COL5A2: variants seen among roughly 807,000 people sequenced by gnomAD.
COL5A2 encodes collagen alpha-2(V) chain.
A neutral mutation model predicts 208.2 loss-of-function variants in COL5A2; 23 were observed. The observed-to-expected ratio is 0.11, with a 90% CI of 0.08 to 0.16. The LOEUF is 0.16. COL5A2 is among the 10% of genes least tolerant of loss of function. The pLI is 1.00. For missense variants in COL5A2, 1,590 were observed against 1,956.4 expected, an observed-to-expected ratio of 0.81 and a Z score of 3.53; for synonymous variants, 625 against 628.5, an observed-to-expected ratio of 0.99 and a Z score of 0.08.
At chr2:189,044,239 G>C (rs1334180583) in intron 47 of COL5A2, among the ~76,000 whole-genome samples, 1 of 151,972 alleles carries the variant, frequency 6.6e-6, no homozygotes, top group African/African-American at 2.4e-5. Context: ...TTTTGATTTT[G>C]AATTTATATT....
At chr2:189,123,378 T>G (rs1334796168) in intron 1 of COL5A2, among the ~76,000 whole-genome samples, 1 of 152,172 alleles carries the variant, frequency 6.6e-6, no homozygotes, top group African/African-American at 2.4e-5. Flanking sequence ...TTCCTAATCC[T>G]CTGTACTTCA....
chr2:189,217,609 C>T lies in COL5A2; in HGVS notation c.-42+7539G>A, dbSNP rs940698998. Among the ~76,000 whole-genome samples, 11 of 152,014 alleles carry T rather than the reference C, an allele frequency of 7.2e-5. No individual in the cohort carries two copies. The South Asian group carries it at 8.3e-4, about 11-fold the overall frequency. ...AAATGCTCCTACCCATTTTACTGAC[C>T]GAAGCAGCATTGCAACATAAAAACT... On this transcript the variant is annotated intron_variant, in intron 1 of 10. Transcript: ENST00000649966.
In COL5A2 at chr2:189,060,735, C is replaced by T; in HGVS notation, c.2080G>A (p.Asp694Asn). ...GPPGEGGKPG[D>N]QGVPGDPGAV... ...ATTATTATTTAAACACTTACTTGATCACCTGGTTTTCCACCTTCTCCAGGA... is the reference window on the plus strand; with the variant it reads ...ATTATTATTTAAACACTTACTTGATTACCTGGTTTTCCACCTTCTCCAGGA... Residue 694 changes from aspartate to asparagine, a missense_variant, in exon 31 of 54, where the codon GAT becomes AAT. Coordinates refer to ENST00000374866, the MANE Select transcript of COL5A2 (RefSeq NM_000393.5). 6.2e-7 allele frequency: 1 copy of T among 1,612,726 alleles called. No individual in the cohort carries two copies. Among genetic ancestry groups the T allele is most frequent in the Non-Finnish European group, 8.5e-7 (1 of 1,178,812 alleles).
chr2:189,121,736 C>CAAAA (rs3084490), intron 1 of COL5A2, among the ~76,000 whole-genome samples: 51,723 of 77,932 alleles, frequency 0.66, 20,046 homozygotes, highest in Non-Finnish European at 0.81. Flanking sequence ...GACTCCGTCT[C>CAAAA]AAAAAAAAAA....
At chr2:189,092,537 A>T (rs1686810887) in intron 6 of COL5A2, 117 bp from the exon 7 acceptor site, 1 of 728,344 alleles carries the variant, frequency 1.4e-6, no homozygotes, top group Non-Finnish European at 2.5e-6. Flanking sequence ...AATACATGGC[A>T]ATCTAGCCAC....
intron 1 of COL5A2, among the ~76,000 whole-genome samples, chr2:189,220,486 T>C (rs1176197458): frequency 1.3e-5 from 2 of 150,132 alleles, no homozygotes; most frequent in African/African-American, 4.9e-5. Context: ...AAAAAAAGGA[T>C]AAGTGCAAAT....
At chr2:189,101,469 T>C (rs1687044608) in intron 3 of COL5A2, among the ~76,000 whole-genome samples, 1 of 152,112 alleles carries the variant, frequency 6.6e-6, no homozygotes. Context: ...TTTGTTTTCA[T>C]TTTTAAGTTT....
At chr2:189,179,403 C>G in intron 1 of COL5A2, 105 bp downstream of exon 1, 1 of 1,355,526 alleles carries the variant, frequency 7.4e-7, no homozygotes, top group East Asian at 2.5e-5. Context: ...CCTTCTCAAA[C>G]TTCAAACCAG....
At position 189,034,945 on chromosome 2, in the gene COL5A2, G is replaced by A. The variant is rs146982082; in HGVS notation, c.4324C>T (p.Arg1442Trp). ...CAAGTGTCTTGAAGAACGATATACC[G>A]GAATCTAATATTTCCCTCTGCTTTG... ...DIKAEGNIRF[R>W]YIVLQDTCSK... The change falls in exon 53 of 54, where the codon CGG becomes TGG. Residue 1442 changes from arginine (R) to tryptophan (W), a missense_variant. Transcript: ENST00000374866. 3.7e-6 allele frequency: 6 copies of A among 1,613,774 alleles called. No homozygotes were observed. Among genetic ancestry groups the A allele is most frequent in the South Asian group, 1.1e-5 (1 of 91,076 alleles).
chr2:189,047,062 C>A (rs1408135658), intron 45 of COL5A2, among the ~76,000 whole-genome samples: 1 of 149,764 alleles, frequency 6.7e-6, no homozygotes, highest in African/African-American at 2.5e-5. Context: ...GTAGAGGTTG[C>A]AGCGAGACGA....
chr2:189,191,991 G>C (rs1008141461), intron 1 of COL5A2, among the ~76,000 whole-genome samples: 3 of 151,994 alleles, frequency 2.0e-5, no homozygotes. Context: ...AAGAAGAAAT[G>C]TGGATGAATC....
upstream of COL5A2, among the ~76,000 whole-genome samples, chr2:189,227,249 A>G (rs1689433652): frequency 6.6e-6 from 1 of 152,160 alleles, no homozygotes; most frequent in Non-Finnish European, 1.5e-5. Context: ...AATTGACCCT[A>G]AAGATACAGG....
chr2:189,247,083 TA>T, the COL5A2 span, among the ~76,000 whole-genome samples: 1 of 151,874 alleles, frequency 6.6e-6, no homozygotes, highest in African/African-American at 2.4e-5. Flanking sequence ...TTCTGTCAGA[TA>T]AAAGAGATTA....
At chr2:189,037,318 G>A (rs909766395) in intron 51 of COL5A2, among the ~76,000 whole-genome samples, 2 of 151,970 alleles carry the variant, frequency 1.3e-5, no homozygotes, top group Non-Finnish European at 2.9e-5. Context: ...CTTAAAATAG[G>A]AAATACCAAG....
chr2:189,402,182 G>A, the COL5A2 span, among the ~76,000 whole-genome samples: 5 of 151,930 alleles, frequency 3.3e-5, no homozygotes, highest in Non-Finnish European at 7.4e-5. Flanking sequence ...TTTCTTATAA[G>A]GTTTTTATAG....
At chr2:189,168,243 T>TG (rs1385996580) in intron 1 of COL5A2, among the ~76,000 whole-genome samples, 8 of 150,698 alleles carry the variant, frequency 5.3e-5, no homozygotes, top group Non-Finnish European at 8.9e-5. Context: ...CCGGGTTTTT[T>TG]TTTTTTTTTT....
At chr2:189,291,803 T>A in the COL5A2 span, among the ~76,000 whole-genome samples, 1 of 149,706 alleles carries the variant, frequency 6.7e-6, no homozygotes, top group Admixed American at 6.7e-5. Flanking sequence ...CTCTTTGGTT[T>A]AAAAAAAAAA....
chr2:189,285,167 A>C, the COL5A2 span, among the ~76,000 whole-genome samples: 29 of 151,940 alleles, frequency 1.9e-4, no homozygotes, highest in African/African-American at 6.8e-4. Context: ...AAAAACACAG[A>C]GCAAGGCAGT....
chr2:189,167,192 A>T (rs1007712227), intron 1 of COL5A2, among the ~76,000 whole-genome samples: 11 of 152,232 alleles, frequency 7.2e-5, no homozygotes, highest in Admixed American at 7.2e-4. Flanking sequence ...GCACCCAAGG[A>T]AAGTCAAGAG....
Sources: gnomAD v4.1 joint callset for allele counts (sites outside exome capture counted in the v4.1 genomes callset) on GRCh38, gnomAD v4.1.1 for gene constraint, MANE v1.5 for transcripts, NCBI Gene and HGNC (gene_info 2026-07-23, HGNC 2026-07-21) for gene names.